The following NELFA variants were observed in gnomAD, a reference collection of about 807,000 sequenced individuals.
NELFA encodes the protein negative elongation factor A.
In NELFA, 35 loss-of-function variants were observed where a neutral mutation model predicts 51.8. The ratio of observed to expected loss-of-function variants is 0.68; its 90% CI spans 0.52 to 0.90. NELFA has a LOEUF of 0.90. NELFA is among the 40% of genes least tolerant of loss of function. The pLI is 0.00. For synonymous variants in NELFA, 417 were observed against 338.4 expected (o/e 1.23, Z -2.55); for missense variants, 658 against 746.4 (o/e 0.88, Z 1.38).
At chr4:2,007,289 T>A in intron 1 of NELFA, 1 of 208,354 alleles carries the variant, frequency 4.8e-6, no homozygotes, top group Admixed American at 4.8e-5. Context: ...CACTCCTAGA[T>A]GTTATACCCT....
At chr4:1,990,957 C>T (rs1477123179) in intron 2 of NELFA, among the ~76,000 whole-genome samples, 2 of 152,160 alleles carry the variant, frequency 1.3e-5, no homozygotes, top group Non-Finnish European at 1.5e-5. Context: ...TGTGCCATCA[C>T]GCCCACCTAA....
chr4:2,000,197 G>A (rs1728534224), intron 1 of NELFA, among the ~76,000 whole-genome samples: 1 of 152,050 alleles, frequency 6.6e-6, no homozygotes, highest in South Asian at 2.1e-4. Context: ...AAGACCCAGA[G>A]ATGTAATTAA....
Position 1,986,296 on chromosome 4 carries a change from C to T in NELFA, c.741G>A (p.Leu247=). The change falls in exon 5 of 11, where the codon CTG becomes CTA. Residue 247 remains leucine, a synonymous_variant. Coordinates refer to ENST00000382882, the MANE Select transcript of NELFA (RefSeq NM_005663.5). Reference sequence around the variant, plus strand: ...CCTTCACACCTCGTTCCTTCCGCAGCAGCGTCCTGGAAGGCGGGATGGGGG... The same window carrying T: ...CCTTCACACCTCGTTCCTTCCGCAGTAGCGTCCTGGAAGGCGGGATGGGGG... ...NRTPIPPSRT[L]LRKERGVKLL... is the part of the protein sequence containing the mutation. The T allele has an allele frequency of 6.3e-7, 1 of 1,587,446 alleles. No homozygotes were observed. Among genetic ancestry groups the T allele is most frequent in the East Asian group, 2.3e-5 (1 of 43,336 alleles).
intron 2 of NELFA, chr4:1,990,149 G>C (rs953847370): frequency 6.1e-5 from 30 of 489,404 alleles, no homozygotes; most frequent in Non-Finnish European, 3.7e-5. Flanking sequence ...GGCGGACATA[G>C]ATACAGTGAT....
rs778298707 is a variant in NELFA at position 1,987,904 on chromosome 4, G to A, written c.634+14C>T. On this transcript the variant is annotated intron_variant, in intron 4 of 10. Coordinates refer to ENST00000382882, the MANE Select transcript of NELFA (RefSeq NM_005663.5). ...CCAAAAGCAAGGCTCACGGCACCAGGGTGGGGGCCTTACTGGTGGTGTCCA... is the reference window on the plus strand; with the variant it reads ...CCAAAAGCAAGGCTCACGGCACCAGAGTGGGGGCCTTACTGGTGGTGTCCA... The A allele has an allele frequency of 6.3e-7, 1 of 1,594,730 alleles. No individual in the cohort carries two copies. Among genetic ancestry groups the A allele is most frequent in the Non-Finnish European group, 8.5e-7 (1 of 1,171,564 alleles).
chr4:1,985,907 T>C, intron 6 of NELFA, 43 bp from the exon 7 acceptor site: 1 of 1,531,754 alleles, frequency 6.5e-7, no homozygotes, highest in Non-Finnish European at 8.9e-7. Context: ...CGGGCGCGTC[T>C]GCAGTGTCAG....
At position 1,985,857 on chromosome 4, in the gene NELFA, C is replaced by A; in HGVS notation, c.843G>T (p.Glu281Asp). ...AKRRRKTLDAEVVEKPAKEET... is the reference protein window; with the variant it reads ...AKRRRKTLDADVVEKPAKEET... ...CCTCCTTGGCCGGCTTCTCCACCAC[C>A]TCCGCATCTGTGGACAAAACAGGAG... The change falls in exon 7 of 11, where the codon GAG becomes GAT. Residue 281 changes from glutamate to aspartate, a missense_variant. Around this residue, in one of 3 missense-constraint regions of NELFA, gnomAD observed 371 missense variants for 448.3 expected, o/e 0.83. Coordinates refer to ENST00000382882, the MANE Select transcript of NELFA (RefSeq NM_005663.5). The A allele has an allele frequency of 6.2e-7, 1 of 1,612,868 alleles. No individual in the cohort carries two copies. Among genetic ancestry groups the A allele is most frequent in the Non-Finnish European group, 8.5e-7 (1 of 1,179,526 alleles).
At chr4:1,991,498 G>T in intron 2 of NELFA, 46 bp downstream of exon 2, 2 of 1,584,210 alleles carry the variant, frequency 1.3e-6, no homozygotes, top group South Asian at 1.2e-5. Context: ...TTTCAAGAAA[G>T]ATCCATTTCC....
chr4:2,002,044 C>CA (rs1728582319), intron 1 of NELFA, among the ~76,000 whole-genome samples: 1 of 148,830 alleles, frequency 6.7e-6, no homozygotes, highest in South Asian at 2.2e-4. Context: ...ACTAAAAATA[C>CA]AAAAAATTAG....
Position 1,986,581 on chromosome 4 carries a change from G to C in NELFA, c.635-179C>G, listed in dbSNP as rs542974287. On this transcript the variant is annotated intron_variant, in intron 4 of 10. Coordinates refer to ENST00000382882, the MANE Select transcript of NELFA (RefSeq NM_005663.5). The stretch of plus-strand genomic sequence containing the variant: ...ACCTCAAGGAGCAGGGGAACGCCTG[G>C]AGCCACGACCTCACACTTTGCCAAG... The C allele has an allele frequency of 7.5e-6, 7 of 930,244 alleles. No homozygotes were observed. The African/African-American group carries it at 1.2e-4, about 15-fold the overall frequency. 57.6% of individuals were successfully genotyped at this position (930,244 alleles called of 1,614,324 possible). A position where few individuals can be genotyped will look rare whatever the true frequency, so the allele number is the denominator to read the frequency against.
At chr4:1,986,067 CCCGCAGGGA>C (rs1309565802) in intron 6 of NELFA, 38 bp downstream of exon 6, 1 of 1,541,644 alleles carries the variant, frequency 6.5e-7, no homozygotes, top group Non-Finnish European at 8.8e-7. Context: ...CTGGGCAGGG[CCCGCAGGGA>C]CCCCCATTGC....
chr4:1,997,003 G>C (rs1166995168), intron 1 of NELFA, among the ~76,000 whole-genome samples: 2 of 152,120 alleles, frequency 1.3e-5, no homozygotes, highest in East Asian at 1.9e-4. Flanking sequence ...AGTCTTAGCT[G>C]CTCAGGAAGG....
chr4:1,984,985 C>G (rs1380610762), intron 7 of NELFA, 66 bp from the exon 8 acceptor site: 1 of 1,211,456 alleles, frequency 8.3e-7, no homozygotes, highest in Non-Finnish European at 1.2e-6. Context: ...TAACACATGG[C>G]CCGACCCGGA....
chr4:2,002,624 C>T (rs931080441), intron 1 of NELFA, among the ~76,000 whole-genome samples: 3 of 152,182 alleles, frequency 2.0e-5, no homozygotes, highest in African/African-American at 4.8e-5. Context: ...CAAAAACAAG[C>T]GATGGGGAAA....
intron 1 of NELFA, chr4:2,003,960 G>A (rs1354073218): frequency 6.6e-6 from 1 of 151,838 alleles, no homozygotes; most frequent in Non-Finnish European, 1.5e-5. Flanking sequence ...AGACCATCCT[G>A]GCCAACACGG....
chr4:2,002,556 C>G (rs1307266972), intron 1 of NELFA, among the ~76,000 whole-genome samples: 2 of 152,128 alleles, frequency 1.3e-5, no homozygotes, highest in Non-Finnish European at 2.9e-5. Flanking sequence ...TGGAGAAGAA[C>G]AGGGACCTCA....
At chr4:1,990,757 G>T (rs761150475) in intron 2 of NELFA, among the ~76,000 whole-genome samples, 1 of 152,224 alleles carries the variant, frequency 6.6e-6, no homozygotes, top group Non-Finnish European at 1.5e-5. Flanking sequence ...AAAAGCACAA[G>T]CATCAAGCAT....
chr4:1,989,956 C>T lies in NELFA; in HGVS notation c.383-87G>A. On this transcript the variant is annotated intron_variant, in intron 2 of 10. Coordinates refer to ENST00000382882, the MANE Select transcript of NELFA (RefSeq NM_005663.5). This position sits in a 1 kb window ranked among gnomAD's most constrained non-coding sequence, Gnocchi z 4.8. Reference sequence around the variant, plus strand: ...AGCTGGCGGCTGCCCAGCCCCACACCCTCCTCAGTTAGGGTTAGGTCATGG... The same window carrying T: ...AGCTGGCGGCTGCCCAGCCCCACACTCTCCTCAGTTAGGGTTAGGTCATGG... 6.7e-7 allele frequency: 1 copy of T among 1,501,242 alleles called. No individual in the cohort carries two copies. Among genetic ancestry groups the T allele is most frequent in the Non-Finnish European group, 9.0e-7 (1 of 1,111,304 alleles). The allele number at this position is 1,501,242 out of a possible 1,614,324, so 93.0% of individuals were successfully genotyped here.
chr4:2,003,239 C>T (rs533510487), intron 1 of NELFA, among the ~76,000 whole-genome samples: 1 of 152,214 alleles, frequency 6.6e-6, no homozygotes, highest in Non-Finnish European at 1.5e-5. Context: ...TAGATGCTAG[C>T]GAGGCTGTGG....
Sources: allele counts gnomAD v4.1 joint callset (sites outside exome capture counted in the v4.1 genomes callset), GRCh38; gene constraint gnomAD v4.1.1; regional missense constraint gnomAD v4.1.1; non-coding constraint Gnocchi (gnomAD v3.1); transcripts MANE v1.5; gene names NCBI Gene and HGNC (gene_info 2026-07-23, HGNC 2026-07-21).